Variants in TOP6BL observed in about 807,000 individuals in gnomAD.
TOP6BL encodes the protein TOP6B like initiator of meiotic double strand breaks.
the TOP6BL span, among the ~76,000 whole-genome samples, chr11:66,752,348 G>A: frequency 1.3e-5 from 2 of 152,034 alleles, no homozygotes; most frequent in Non-Finnish European, 2.9e-5. Context: ...TGACATTGCA[G>A]CATTATTTTC....
chr11:66,821,717 C>A, the TOP6BL span: 5 of 1,613,358 alleles, frequency 3.1e-6, no homozygotes, highest in African/African-American at 1.3e-5. Flanking sequence ...AGGTTCCATC[C>A]AATTCACTGT....
the TOP6BL span, among the ~76,000 whole-genome samples, chr11:66,817,851 T>G: frequency 6.6e-6 from 1 of 152,096 alleles, no homozygotes; most frequent in Non-Finnish European, 1.5e-5. Flanking sequence ...TGGCCTCAAG[T>G]GATTCTTAAA....
the TOP6BL span, chr11:66,801,235 G>A: frequency 1.1e-6 from 1 of 879,460 alleles, no homozygotes; most frequent in Non-Finnish European, 1.7e-6. Context: ...AAGAAAAGCA[G>A]AAGTAAAACT....
At chr11:66,761,741 G>T in the TOP6BL span, 1 of 779,782 alleles carries the variant, frequency 1.3e-6, no homozygotes, top group Non-Finnish European at 2.3e-6. Flanking sequence ...CAGGGAATCT[G>T]TGTTGAGTGT....
At chr11:66,757,370 A>T in the TOP6BL span, among the ~76,000 whole-genome samples, 8 of 152,008 alleles carry the variant, frequency 5.3e-5, no homozygotes. Flanking sequence ...AATGAAAAAG[A>T]CTATCTGTTG....
the TOP6BL span, chr11:66,744,819 G>GTGCGGC: frequency 8.1e-7 from 1 of 1,230,232 alleles, no homozygotes; most frequent in South Asian, 2.8e-5. Flanking sequence ...GCTGAGGAGG[G>GTGCGGC]GGCGGCGGCG....
chr11:66,744,814 G>T, the TOP6BL span: 1 of 1,292,688 alleles, frequency 7.7e-7, no homozygotes, highest in Non-Finnish European at 9.8e-7. Flanking sequence ...CCCGGGCTGA[G>T]GAGGGGGCGG....
At chr11:66,816,139 CT>C in the TOP6BL span, 1 of 1,607,184 alleles carries the variant, frequency 6.2e-7, no homozygotes, top group African/African-American at 1.3e-5. Context: ...ACAAACTCTG[CT>C]GCTTTTTCTC....
the TOP6BL span, among the ~76,000 whole-genome samples, chr11:66,832,714 A>C: frequency 1.3e-5 from 2 of 152,214 alleles, no homozygotes; most frequent in Non-Finnish European, 2.9e-5. Flanking sequence ...TTTCCCTCGG[A>C]CTTGGAAAGC....
At chr11:66,768,657 T>A in the TOP6BL span, among the ~76,000 whole-genome samples, 1 of 151,278 alleles carries the variant, frequency 6.6e-6, no homozygotes, top group Non-Finnish European at 1.5e-5. Context: ...TAAAACAGAT[T>A]TTTGTTTTTT....
chr11:66,831,130 A>G, the TOP6BL span, among the ~76,000 whole-genome samples: 4 of 152,250 alleles, frequency 2.6e-5, no homozygotes, highest in African/African-American at 9.6e-5. Context: ...AAGCATGTGG[A>G]AGAAAGAACT....
the TOP6BL span, chr11:66,744,776 C>G: frequency 2.4e-6 from 3 of 1,229,582 alleles, no homozygotes; most frequent in Admixed American, 4.3e-5. Flanking sequence ...GGCGTGGACT[C>G]GGGCGTGGGC....
chr11:66,833,676 G>C, the TOP6BL span, among the ~76,000 whole-genome samples: 1 of 151,946 alleles, frequency 6.6e-6, no homozygotes. Flanking sequence ...GGCCAGGTGC[G>C]GTGGCTCACT....
chr11:66,802,117 G>A, the TOP6BL span, among the ~76,000 whole-genome samples: 1 of 151,940 alleles, frequency 6.6e-6, no homozygotes, highest in Non-Finnish European at 1.5e-5. Flanking sequence ...AGCCTCTCGA[G>A]TAGCTAGTAG....
At chr11:66,814,023 C>G in the TOP6BL span, 3 of 1,607,418 alleles carry the variant, frequency 1.9e-6, no homozygotes, top group Non-Finnish European at 2.6e-6. Flanking sequence ...GAGGTATATC[C>G]TCCCTCTTTC....
the TOP6BL span, among the ~76,000 whole-genome samples, chr11:66,821,212 T>C: frequency 6.6e-6 from 1 of 152,186 alleles, no homozygotes; most frequent in Non-Finnish European, 1.5e-5. Flanking sequence ...TCAGTCGTTG[T>C]ACTCAGTATT....
chr11:66,821,030 T>G, the TOP6BL span, among the ~76,000 whole-genome samples: 1 of 152,166 alleles, frequency 6.6e-6, no homozygotes, highest in East Asian at 1.9e-4. Context: ...CTTGAAGTAG[T>G]TATCCTCGCT....
At chr11:66,760,784 T>C in the TOP6BL span, among the ~76,000 whole-genome samples, 4 of 151,560 alleles carry the variant, frequency 2.6e-5, no homozygotes, top group East Asian at 7.7e-4. Context: ...CCAGCCTGGG[T>C]GACAGCAAGA....
At chr11:66,784,566 G>A in the TOP6BL span, among the ~76,000 whole-genome samples, 10 of 152,172 alleles carry the variant, frequency 6.6e-5, no homozygotes, top group Admixed American at 5.9e-4. Flanking sequence ...CTATGCCTTG[G>A]CAAACACTAA....
Sources: gnomAD v4.1 joint callset for allele counts (sites outside exome capture counted in the v4.1 genomes callset) on GRCh38, gnomAD v4.1.1 for gene constraint, MANE v1.5 for transcripts, NCBI Gene and HGNC (gene_info 2026-07-23, HGNC 2026-07-21) for gene names.